CD82: variants seen among roughly 807,000 people sequenced by gnomAD.
CD82 encodes CD82 molecule, also known as CD82 antigen.
Under a neutral mutation model 37.4 loss-of-function variants are expected in CD82, and 36 were observed. That is an observed-to-expected ratio of 0.96 (90% CI 0.74 to 1.27). The LOEUF (loss-of-function observed/expected upper bound fraction) is 1.27, where lower values mean the gene tolerates loss of function less well. Among genes scored for constraint, CD82 ranks in the 50% most tolerant of loss-of-function variants. The pLI is 0.00. For missense variants in CD82, 340 were observed against 347.0 expected (o/e 0.98, Z 0.16); for synonymous variants, 158 against 137.4 (o/e 1.15, Z -1.05).
At chr11:44,605,212 C>A (rs374295870) in intron 5 of CD82, 30 bp downstream of exon 5, 20 of 1,608,922 alleles carry the variant, frequency 1.2e-5, no homozygotes, top group Non-Finnish European at 1.7e-5. Flanking sequence ...CAGCTGCCTG[C>A]CCATTTCCTC....
chr11:44,618,701 G>T lies in CD82; in HGVS notation c.704G>T (p.Gly235Val). Residue 235 changes from glycine (G) to valine (V), a missense_variant, in exon 9 of 10, where the codon GGC (glycine) becomes GTC (valine). Physicochemically the swap from Gly to Val is moderately radical, Grantham distance 109. Coordinates refer to ENST00000227155, the MANE Select transcript of CD82 (RefSeq NM_002231.4). ...QENLGIILGVGVGVAIIELLG... is the reference protein window; with the variant it reads ...QENLGIILGVVVGVAIIELLG... Reference sequence around the variant, plus strand: ...AACCTGGGCATCATCCTCGGCGTGGGCGTGGGTGTGGCCATCATCGAGGTC... The same window carrying T: ...AACCTGGGCATCATCCTCGGCGTGGTCGTGGGTGTGGCCATCATCGAGGTC... The T allele has an allele frequency of 6.2e-7, 1 of 1,613,560 alleles. No homozygotes were observed. The highest frequency in any genetic ancestry group is 8.5e-7 in the Non-Finnish European group (1 of 1,179,888).
chr11:44,576,364 G>A (rs913906837), intron 1 of CD82, among the ~76,000 whole-genome samples: 8 of 152,228 alleles, frequency 5.3e-5, no homozygotes, highest in Admixed American at 5.2e-4. Context: ...GTACAGATGA[G>A]GAAACTGAGG....
chr11:44,584,761 C>T (rs1473006286), intron 1 of CD82, among the ~76,000 whole-genome samples: 1 of 152,128 alleles, frequency 6.6e-6, no homozygotes, highest in African/African-American at 2.4e-5. Context: ...AAAAGCCAGG[C>T]CCTGGTCCTG....
chr11:44,618,902 G>A (rs1437248815), intron 9 of CD82, 147 bp from the exon 10 acceptor site: 3 of 842,544 alleles, frequency 3.6e-6, no homozygotes, highest in Non-Finnish European at 5.8e-6. Flanking sequence ...CCCCGCTCTG[G>A]GCCTCCCTCT....
rs1852860908 is a variant in CD82 at position 44,574,493 on chromosome 11, C to A, written c.-103+8757C>A. The stretch of plus-strand genomic sequence containing the variant: ...TGGGACCAAATCTTGTAGCAGAAGA[C>A]CCCAGGCCAGCGATTCTGACATAGG... On this transcript the variant is annotated intron_variant, in intron 1 of 9. Coordinates refer to ENST00000227155, the MANE Select transcript of CD82 (RefSeq NM_002231.4). Among the ~76,000 whole-genome samples the A allele has an allele frequency of 2.0e-5, 3 of 152,124 alleles. No homozygotes were observed. In the South Asian group the frequency reaches 6.2e-4, roughly 32 times the overall value.
chr11:44,585,118 C>T (rs1415512958), intron 1 of CD82: 1 of 449,000 alleles, frequency 2.2e-6, no homozygotes, highest in East Asian at 7.0e-5. Context: ...TTAGGCAGCC[C>T]AGCCTGGTCC....
At chr11:44,583,331 C>G (rs970562332) in intron 1 of CD82, among the ~76,000 whole-genome samples, 1 of 152,226 alleles carries the variant, frequency 6.6e-6, no homozygotes, top group South Asian at 2.1e-4. Flanking sequence ...ACCCTCCTGT[C>G]AGAGAAGCCC....
chr11:44,617,568 A>G (rs1853583368), intron 7 of CD82, among the ~76,000 whole-genome samples: 1 of 151,752 alleles, frequency 6.6e-6, no homozygotes, highest in Non-Finnish European at 1.5e-5. Context: ...CAGAAAAAAA[A>G]AAAAAAAAAA....
rs542680414 is a variant in CD82, at chr11:44,597,714, C to T, written c.64-2444C>T. On this transcript the variant is annotated intron_variant, in intron 3 of 9. Transcript: ENST00000227155. This position sits in a 1 kb window ranked among gnomAD's most constrained non-coding sequence, Gnocchi z 4.1. ...GTAGGGGCTGTCCTCCCTCCTGTCC[C>T]ACCCTGTGAATGTGGGAGGGAATGG... Among the ~76,000 whole-genome samples, 1 of 152,330 alleles carries T rather than the reference C, an allele frequency of 6.6e-6. No homozygotes were observed. The highest frequency in any genetic ancestry group is 2.1e-4 in the South Asian group (1 of 4,824).
chr11:44,613,019 C>T (rs1359293446), intron 6 of CD82, among the ~76,000 whole-genome samples: 2 of 152,084 alleles, frequency 1.3e-5, no homozygotes, highest in African/African-American at 4.8e-5. Context: ...CTGAGCACAG[C>T]GTTCATTCAA....
At chr11:44,576,341 A>G in intron 1 of CD82, among the ~76,000 whole-genome samples, 1 of 152,302 alleles carries the variant, frequency 6.6e-6, no homozygotes, top group East Asian at 1.9e-4. Context: ...AGGGGTTAAC[A>G]TCAGGTCCCA....
chr11:44,597,398 C>T lies in CD82; in HGVS notation c.63+2673C>T, dbSNP rs1013084933. On this transcript the variant is annotated intron_variant, in intron 3 of 9. Coordinates refer to ENST00000227155, the MANE Select transcript of CD82 (RefSeq NM_002231.4). The surrounding 1 kb of genome is among the most constrained non-coding windows in gnomAD (Gnocchi z 4.1). Reference sequence around the variant, plus strand: ...TAACATGGGGCCTGCCCCACAGCTCCAGTCTTGGTTCACAGAGAAAAAGGG... The same window carrying T: ...TAACATGGGGCCTGCCCCACAGCTCTAGTCTTGGTTCACAGAGAAAAAGGG... 1.3e-5 allele frequency among the ~76,000 whole-genome samples: 2 copies of T among 152,220 alleles called. No individual in the cohort carries two copies. Among genetic ancestry groups the T allele is most frequent in the African/African-American group, 2.4e-5 (1 of 41,444 alleles).
At position 44,618,740 on chromosome 11, in the gene CD82, C is replaced by G; in HGVS notation, c.726+17C>G. On this transcript the variant is annotated intron_variant, in intron 9 of 9. Transcript: ENST00000227155. ...ATCATCGAGGTCTGAGCCCCCTCCCCCATCCCTTCTCCATCCCAGGTCCTC... is the reference window on the plus strand; with the variant it reads ...ATCATCGAGGTCTGAGCCCCCTCCCGCATCCCTTCTCCATCCCAGGTCCTC... 6.2e-7 allele frequency: 1 copy of G among 1,602,354 alleles called. No homozygotes were observed. The highest frequency in any genetic ancestry group is 8.5e-7 in the Non-Finnish European group (1 of 1,170,396).
At chr11:44,595,279 G>A (rs891307) in intron 3 of CD82, among the ~76,000 whole-genome samples, 143,405 of 152,300 alleles carry the variant, frequency 0.94, 67,569 homozygotes, top group African/African-American at 0.96. Flanking sequence ...TGGGCCATCC[G>A]GATGTCAGCT....
chr11:44,595,847 A>G (rs1184570971), intron 3 of CD82, among the ~76,000 whole-genome samples: 2 of 122,780 alleles, frequency 1.6e-5, no homozygotes, highest in Non-Finnish European at 3.2e-5. Flanking sequence ...AGGCAGGAGG[A>G]TTGTTTGAGT....
At chr11:44,589,504 C>T (rs559021954) in intron 2 of CD82, among the ~76,000 whole-genome samples, 3 of 152,378 alleles carry the variant, frequency 2.0e-5, no homozygotes, top group Non-Finnish European at 2.9e-5. Flanking sequence ...ATCCTCATCC[C>T]TTGCTGCTTC....
intron 1 of CD82, among the ~76,000 whole-genome samples, chr11:44,577,613 T>C (rs577140656): frequency 5.9e-5 from 9 of 152,334 alleles, no homozygotes; most frequent in Middle Eastern, 3.4e-3. Context: ...GGCTTGTGAC[T>C]TTCAGCAAGT....
intron 1 of CD82, among the ~76,000 whole-genome samples, chr11:44,582,277 C>T (rs1406054604): frequency 6.6e-6 from 1 of 152,226 alleles, no homozygotes; most frequent in Non-Finnish European, 1.5e-5. Flanking sequence ...CTAGGTCTTT[C>T]CTCTGCCCAA....
intron 7 of CD82, among the ~76,000 whole-genome samples, chr11:44,616,798 G>C (rs554950861): frequency 3.0e-4 from 45 of 152,328 alleles, no homozygotes; most frequent in African/African-American, 1.0e-3. Flanking sequence ...TGGGGACCAG[G>C]TACAGCCGGA....
Sources: allele counts gnomAD v4.1 joint callset (sites outside exome capture counted in the v4.1 genomes callset), GRCh38; gene constraint gnomAD v4.1.1; non-coding constraint Gnocchi (gnomAD v3.1); transcripts MANE v1.5; gene names NCBI Gene and HGNC (gene_info 2026-07-23, HGNC 2026-07-21).